The following ZNF782 variants were observed in gnomAD, a reference collection of about 807,000 sequenced individuals.
ZNF782 encodes zinc finger protein 782.
A neutral mutation model predicts 13.0 loss-of-function variants in ZNF782; 12 were observed. The ratio of observed to expected loss-of-function variants is 0.92; its 90% CI spans 0.59 to 1.50. ZNF782 has a LOEUF of 1.50. Among genes scored for constraint, ZNF782 ranks in the 40% most tolerant of loss-of-function variants. ZNF782 has a pLI of 0.00. For missense variants in ZNF782, 770 were observed against 822.9 expected (o/e 0.94, Z 0.79); for synonymous variants, 284 against 283.0 (o/e 1.00, Z -0.04).
intron 4 of ZNF782, among the ~76,000 whole-genome samples, chr9:96,835,259 C>T (rs1850956376): frequency 6.6e-6 from 1 of 152,058 alleles, no homozygotes; most frequent in Admixed American, 6.5e-5. Context: ...AAGGGATAAT[C>T]TAAAGATGGA....
intron 1 of ZNF782, among the ~76,000 whole-genome samples, chr9:96,873,727 G>A (rs1851856626): frequency 6.6e-6 from 1 of 152,214 alleles, no homozygotes; most frequent in Non-Finnish European, 1.5e-5. Context: ...TAAGTCAGTA[G>A]AATAAGGACC....
chr9:96,911,205 C>T, the ZNF782 span, among the ~76,000 whole-genome samples: 15 of 143,610 alleles, frequency 1.0e-4, no homozygotes, highest in Non-Finnish European at 2.1e-4. Context: ...TTTGGGAGGC[C>T]GAGGCGGGCG....
At chr9:96,920,374 C>A in the ZNF782 span, among the ~76,000 whole-genome samples, 1 of 149,372 alleles carries the variant, frequency 6.7e-6, no homozygotes, top group African/African-American at 2.5e-5. Context: ...TCATGCCATT[C>A]TCCTGCCTCA....
Position 96,817,916 on chromosome 9 carries a change from C to T in ZNF782, c.*7G>A, listed in dbSNP as rs1850223036. 2 of 1,540,010 alleles carry T rather than the reference C, an allele frequency of 1.3e-6. No individual in the cohort carries two copies. The highest frequency in any genetic ancestry group is 1.7e-6 in the Non-Finnish European group (2 of 1,149,754). ...AGAGTTTTTTCGTATTCTTTATATGCATACATTTAATCCCCTGGGTGGGCT... is the reference window on the plus strand; with the variant it reads ...AGAGTTTTTTCGTATTCTTTATATGTATACATTTAATCCCCTGGGTGGGCT... On this transcript the variant is annotated 3_prime_UTR_variant, in exon 6 of 6. Transcript: ENST00000481138.
Position 96,817,392 on chromosome 9 carries a change from C to T in ZNF782, c.*531G>A, listed in dbSNP as rs1850205470. On this transcript the variant is annotated 3_prime_UTR_variant, in exon 6 of 6. Transcript: ENST00000481138. ...CTGTGTAGGTTAAAATGAGGGTTGA[C>T]ATGGCAGAAGAATTTCCCACATCCA... 1.3e-5 allele frequency: 2 copies of T among 152,550 alleles called. No homozygotes were observed. Among genetic ancestry groups the T allele is most frequent in the African/African-American group, 2.4e-5 (1 of 41,442 alleles). 9.4% of individuals were successfully genotyped at this position (152,550 alleles called of 1,614,324 possible). A position where few individuals can be genotyped will look rare whatever the true frequency, so the allele number is the denominator to read the frequency against.
At chr9:96,830,913 CTAAA>C (rs1850778576) in intron 4 of ZNF782, among the ~76,000 whole-genome samples, 1 of 152,074 alleles carries the variant, frequency 6.6e-6, no homozygotes, top group Admixed American at 6.6e-5. Context: ...TGAAAAATAA[CTAAA>C]TACTCAGTGG....
At chr9:96,832,216 T>A (rs1466347557) in intron 4 of ZNF782, among the ~76,000 whole-genome samples, 1 of 152,228 alleles carries the variant, frequency 6.6e-6, no homozygotes, top group Non-Finnish European at 1.5e-5. Context: ...GTGACAAGTG[T>A]CAATATTTTG....
chr9:96,888,552 AGT>A, the ZNF782 span: 3 of 152,188 alleles, frequency 2.0e-5, no homozygotes, highest in African/African-American at 7.2e-5. Context: ...ACAAATTAAG[AGT>A]GTGTTTGATT....
the ZNF782 span, among the ~76,000 whole-genome samples, chr9:96,925,390 C>T: frequency 4.6e-5 from 7 of 152,122 alleles, no homozygotes; most frequent in Non-Finnish European, 7.3e-5. Flanking sequence ...GTAATCCCAG[C>T]ACTTTTGGAG....
At chr9:96,892,180 A>G in the ZNF782 span, 1 of 152,162 alleles carries the variant, frequency 6.6e-6, no homozygotes, top group African/African-American at 2.4e-5. Context: ...CTTGTTGTCC[A>G]TCCCTTTTTT....
chr9:96,905,806 G>A, the ZNF782 span, among the ~76,000 whole-genome samples: 1 of 152,174 alleles, frequency 6.6e-6, no homozygotes, highest in South Asian at 2.1e-4. Context: ...GGCTGGTCTC[G>A]AACTCCTGAC....
intron 4 of ZNF782, among the ~76,000 whole-genome samples, chr9:96,836,777 CA>C (rs986752934): frequency 3.3e-5 from 5 of 152,054 alleles, no homozygotes; most frequent in African/African-American, 1.2e-4. Context: ...CCCTCATGAA[CA>C]GATTAATGCC....
intron 4 of ZNF782, among the ~76,000 whole-genome samples, chr9:96,843,065 G>A (rs1341907031): frequency 6.6e-6 from 1 of 152,038 alleles, no homozygotes; most frequent in Non-Finnish European, 1.5e-5. Context: ...GAAAGGATAG[G>A]GAATAACTGG....
chr9:96,849,922 AATC>A (rs1163849067), intron 3 of ZNF782, among the ~76,000 whole-genome samples: 1 of 152,198 alleles, frequency 6.6e-6, no homozygotes, highest in African/African-American at 2.4e-5. Context: ...CAACATCGCT[AATC>A]ATCAGGGAAA....
At chr9:96,902,391 T>C in the ZNF782 span, among the ~76,000 whole-genome samples, 3 of 115,658 alleles carry the variant, frequency 2.6e-5, no homozygotes, top group Non-Finnish European at 4.6e-5. Flanking sequence ...GTGAGTGTGC[T>C]CCAGACTGGG....
At chr9:96,912,716 A>G in the ZNF782 span, among the ~76,000 whole-genome samples, 1 of 150,768 alleles carries the variant, frequency 6.6e-6, no homozygotes, top group Non-Finnish European at 1.5e-5. Context: ...TTTAGTAGAG[A>G]CGGGGTTTCA....
At chr9:96,929,125 G>A in the ZNF782 span, 4 of 1,592,626 alleles carry the variant, frequency 2.5e-6, no homozygotes, top group Admixed American at 3.3e-5. Flanking sequence ...CCTGGGGACA[G>A]CTTATAGGGC....
At chr9:96,887,330 G>GAAGGAAGGAAGGAAGGAAGGAAGA in the ZNF782 span, 2 of 137,992 alleles carry the variant, frequency 1.4e-5, no homozygotes, top group African/African-American at 5.6e-5. Context: ...AGGAAGGAAG[G>GAAGGAAGGAAGGAAGGAAGGAAGA]AAGGAAGGAA....
chr9:96,891,841 G>A, the ZNF782 span: 6 of 152,320 alleles, frequency 3.9e-5, no homozygotes, highest in Middle Eastern at 3.4e-3. Context: ...ACCGTGCCCG[G>A]CCTCTGTTAA....
Sources: allele counts gnomAD v4.1 joint callset (sites outside exome capture counted in the v4.1 genomes callset), GRCh38; gene constraint gnomAD v4.1.1; transcripts MANE v1.5; gene names NCBI Gene and HGNC (gene_info 2026-07-23, HGNC 2026-07-21).